ARB2A: variants seen among roughly 807,000 people sequenced by gnomAD.
The protein encoded by ARB2A is cotranscriptional regulator ARB2A.
At chr5:93,626,927 A>G in the ARB2A span, among the ~76,000 whole-genome samples, 2 of 152,256 alleles carry the variant, frequency 1.3e-5, no homozygotes, top group Non-Finnish European at 2.9e-5. Context: ...TTTTACCCAC[A>G]GTAGAACTTC....
At chr5:93,810,612 G>A in the ARB2A span, among the ~76,000 whole-genome samples, 2 of 151,946 alleles carry the variant, frequency 1.3e-5, no homozygotes, top group East Asian at 3.9e-4. Flanking sequence ...CTATGTTTTC[G>A]GGGCTGGCTG....
the ARB2A span, among the ~76,000 whole-genome samples, chr5:93,830,333 A>ATATATATATG: frequency 2.2e-5 from 3 of 139,466 alleles, no homozygotes; most frequent in African/African-American, 8.1e-5. Flanking sequence ...ATATATATAT[A>ATATATATATG]TATATATATA....
At chr5:93,880,501 T>C in the ARB2A span, among the ~76,000 whole-genome samples, 404 of 151,892 alleles carry the variant, frequency 2.7e-3, no homozygotes, top group Admixed American at 8.1e-3. Flanking sequence ...GTTACTACTA[T>C]CCTATTGTAT....
At chr5:93,814,495 C>A in the ARB2A span, among the ~76,000 whole-genome samples, 2 of 152,140 alleles carry the variant, frequency 1.3e-5, no homozygotes, top group African/African-American at 4.8e-5. Context: ...TATTTTCTAA[C>A]AAAAAGAACA....
At chr5:93,956,676 T>C in the ARB2A span, among the ~76,000 whole-genome samples, 84 of 142,978 alleles carry the variant, frequency 5.9e-4, no homozygotes, top group African/African-American at 2.0e-3. Flanking sequence ...TAGCCTAATT[T>C]AAAAAAAAAA....
At chr5:93,944,435 A>G in the ARB2A span, among the ~76,000 whole-genome samples, 1 of 152,058 alleles carries the variant, frequency 6.6e-6, no homozygotes, top group Non-Finnish European at 1.5e-5. Context: ...ATCTCGCCAA[A>G]AAAATAAATA....
the ARB2A span, among the ~76,000 whole-genome samples, chr5:93,850,883 T>C: frequency 6.6e-6 from 1 of 152,320 alleles, no homozygotes; most frequent in South Asian, 2.1e-4. Flanking sequence ...CCTACTTAAA[T>C]AAATTTAATC....
chr5:93,907,974 G>A, the ARB2A span, among the ~76,000 whole-genome samples: 1 of 151,102 alleles, frequency 6.6e-6, no homozygotes, highest in Non-Finnish European at 1.5e-5. Context: ...AATTTATCTT[G>A]ATATAGCATA....
At chr5:94,029,632 T>C in the ARB2A span, among the ~76,000 whole-genome samples, 1 of 151,394 alleles carries the variant, frequency 6.6e-6, no homozygotes, top group Non-Finnish European at 1.5e-5. Context: ...TTATCAGTGA[T>C]CCTAACTTTG....
chr5:94,089,336 C>T, the ARB2A span, among the ~76,000 whole-genome samples: 2 of 152,176 alleles, frequency 1.3e-5, no homozygotes, highest in Non-Finnish European at 2.9e-5. Context: ...AGCACTATCG[C>T]TTAGTCTAAG....
the ARB2A span, among the ~76,000 whole-genome samples, chr5:93,935,315 CA>C: frequency 6.6e-6 from 1 of 152,080 alleles, no homozygotes; most frequent in African/African-American, 2.4e-5. Context: ...TCAACTGGAG[CA>C]GGAAAAGCTT....
chr5:93,857,037 T>C, the ARB2A span, among the ~76,000 whole-genome samples: 1 of 152,210 alleles, frequency 6.6e-6, no homozygotes, highest in African/African-American at 2.4e-5. Context: ...TGGAGTTTGC[T>C]AGAGGTCCAC....
the ARB2A span, among the ~76,000 whole-genome samples, chr5:93,872,792 C>G: frequency 6.6e-6 from 1 of 152,056 alleles, no homozygotes; most frequent in Non-Finnish European, 1.5e-5. Context: ...TGGCAGGTGC[C>G]TGTAGTCCCA....
the ARB2A span, among the ~76,000 whole-genome samples, chr5:94,043,495 G>C: frequency 6.6e-6 from 1 of 152,112 alleles, no homozygotes; most frequent in Non-Finnish European, 1.5e-5. Flanking sequence ...GTTTTCTCTT[G>C]TAACAGGACA....
chr5:93,869,164 A>G, the ARB2A span, among the ~76,000 whole-genome samples: 1 of 152,194 alleles, frequency 6.6e-6, no homozygotes, highest in Non-Finnish European at 1.5e-5. Flanking sequence ...GACTAGCGTG[A>G]TGATTACACA....
chr5:93,650,070 T>C, the ARB2A span, among the ~76,000 whole-genome samples: 1 of 152,046 alleles, frequency 6.6e-6, no homozygotes, highest in Admixed American at 6.6e-5. Flanking sequence ...TACCTATGTT[T>C]GTTATAGAAA....
the ARB2A span, among the ~76,000 whole-genome samples, chr5:93,779,120 T>C: frequency 4.1e-5 from 6 of 147,876 alleles, no homozygotes; most frequent in African/African-American, 1.5e-4. Context: ...TGTGTGTGTG[T>C]GTGTGCGCGC....
the ARB2A span, among the ~76,000 whole-genome samples, chr5:93,624,781 T>A: frequency 6.6e-6 from 1 of 152,194 alleles, no homozygotes; most frequent in Non-Finnish European, 1.5e-5. Flanking sequence ...CAGTACAGAA[T>A]TGTTCTGCAT....
the ARB2A span, among the ~76,000 whole-genome samples, chr5:93,764,580 G>T: frequency 1.3e-5 from 2 of 152,116 alleles, no homozygotes; most frequent in African/African-American, 4.8e-5. Context: ...AAAAGTCCAG[G>T]ACCAGACAGA....
Sources: gnomAD v4.1 joint callset for allele counts (sites outside exome capture counted in the v4.1 genomes callset) on GRCh38, gnomAD v4.1.1 for gene constraint, MANE v1.5 for transcripts, NCBI Gene and HGNC (gene_info 2026-07-23, HGNC 2026-07-21) for gene names.